The following GTF2A1 variants were observed in gnomAD, a reference collection of about 807,000 sequenced individuals.
GTF2A1 encodes general transcription factor IIA subunit 1.
A neutral mutation model predicts 54.1 loss-of-function variants in GTF2A1; 12 were observed. The observed-to-expected ratio is 0.22, with a 90% CI of 0.14 to 0.36. GTF2A1 has a LOEUF of 0.36. Among genes scored for constraint, GTF2A1 ranks in the 10% least tolerant of loss-of-function variants. The pLI, the probability that GTF2A1 is intolerant of heterozygous loss-of-function variation, is 1.00. For missense variants in GTF2A1, 335 were observed against 442.2 expected (o/e 0.76, Z 2.17); for synonymous variants, 145 against 152.0 (o/e 0.95, Z 0.34).
rs1893632861 is a variant in GTF2A1, at chr14:81,220,958, A to G, written c.-440T>C. 1 of 167,140 alleles carries G rather than the reference A, an allele frequency of 6.0e-6. No individual in the cohort carries two copies. The highest frequency in any genetic ancestry group is 1.3e-5 in the Non-Finnish European group (1 of 78,900). 10.4% of individuals were successfully genotyped at this position (167,140 alleles called of 1,614,324 possible). On this transcript the variant is annotated 5_prime_UTR_variant, in exon 1 of 9. Transcript: ENST00000553612. ...CCGCCGCCGCCGCCGCCGCCGAGAG[A>G]CAGGGTGAAGGGGGAGGGAGGGGCG...
rs1414853582 is a variant in GTF2A1, at chr14:81,177,218, C to T, written c.*3005G>A. On this transcript the variant is annotated 3_prime_UTR_variant, in exon 9 of 9. Coordinates refer to ENST00000553612, the MANE Select transcript of GTF2A1 (RefSeq NM_015859.4). ...ATCTTAGAACAAGAAAGTGGCTTTG[C>T]TTTTAAAAGAGGCAACAGTGTAAAT... The T allele has an allele frequency of 6.6e-6, 1 of 152,056 alleles. No homozygotes were observed. Among genetic ancestry groups the T allele is most frequent in the African/African-American group, 2.4e-5 (1 of 41,418 alleles). 9.4% of individuals were successfully genotyped at this position (152,056 alleles called of 1,614,324 possible).
intron 7 of GTF2A1, among the ~76,000 whole-genome samples, chr14:81,192,062 T>C (rs1292231635): frequency 1.3e-5 from 2 of 152,204 alleles, no homozygotes; most frequent in South Asian, 2.1e-4. Flanking sequence ...GGAAGTGGTA[T>C]AGAACATGGA....
chr14:81,187,515 T>C (rs543285219), intron 7 of GTF2A1, among the ~76,000 whole-genome samples: 19 of 152,298 alleles, frequency 1.2e-4, no homozygotes, highest in Admixed American at 1.2e-3. Context: ...CCTATTAAGC[T>C]GTCACTCCCC....
chr14:81,195,705 T>A (rs184091711), intron 6 of GTF2A1, among the ~76,000 whole-genome samples: 4 of 149,586 alleles, frequency 2.7e-5, no homozygotes, highest in Non-Finnish European at 4.4e-5. Flanking sequence ...GTATTAGAGG[T>A]AAGGAAAAGG....
Position 81,220,549 on chromosome 14 carries a change from A to G in GTF2A1, c.-31T>C, listed in dbSNP as rs1893609242. On this transcript the variant is annotated 5_prime_UTR_variant, in exon 1 of 9. Transcript: ENST00000553612. ...CACACAACACAAACAAGAGGGGGCA[A>G]CCCCAAGAAAACAAGATAAAAACAA... 1 of 1,539,192 alleles carries G rather than the reference A, an allele frequency of 6.5e-7. No homozygotes were observed. The highest frequency in any genetic ancestry group is 8.8e-7 in the Non-Finnish European group (1 of 1,136,072).
chr14:81,181,982 T>C (rs1892649192), intron 8 of GTF2A1, among the ~76,000 whole-genome samples: 1 of 152,214 alleles, frequency 6.6e-6, no homozygotes, highest in Non-Finnish European at 1.5e-5. Flanking sequence ...GCAAAGAATT[T>C]CAAATTAAGT....
chr14:81,196,327 C>T (rs1474054684), intron 5 of GTF2A1, 86 bp from the exon 6 acceptor site: 1 of 1,337,038 alleles, frequency 7.5e-7, no homozygotes, highest in East Asian at 2.3e-5. Flanking sequence ...TTCATACCAC[C>T]AAAGGCACAA....
chr14:81,200,708 T>C (rs1443882233), intron 4 of GTF2A1, among the ~76,000 whole-genome samples: 2 of 151,992 alleles, frequency 1.3e-5, no homozygotes, highest in East Asian at 3.8e-4. Flanking sequence ...AAAAGATCTT[T>C]TTACAAATAT....
At chr14:81,180,720 A>G (rs1892622466) in intron 8 of GTF2A1, among the ~76,000 whole-genome samples, 1 of 152,220 alleles carries the variant, frequency 6.6e-6, no homozygotes, top group African/African-American at 2.4e-5. Flanking sequence ...GTACTATTTT[A>G]TAGCTTTTAG....
At chr14:81,219,253 G>A (rs1411123792) in intron 1 of GTF2A1, among the ~76,000 whole-genome samples, 1 of 152,182 alleles carries the variant, frequency 6.6e-6, no homozygotes, top group Admixed American at 6.5e-5. Flanking sequence ...AGCCCGCGAC[G>A]GGTGCGAAAT....
At chr14:81,213,417 G>A (rs1384137741) in intron 2 of GTF2A1, among the ~76,000 whole-genome samples, 3 of 152,120 alleles carry the variant, frequency 2.0e-5, no homozygotes, top group East Asian at 3.8e-4. Context: ...TGTGAAAAGC[G>A]AGAGTAGATA....
chr14:81,192,744 T>C lies in GTF2A1; in HGVS notation c.708A>G (p.Ile236Met), dbSNP rs1320932199. Reference protein sequence around the residue: ...ILFTGNKTQVIPTTVAAPTPA... With the variant: ...ILFTGNKTQVMPTTVAAPTPA... ...GTGTAGGTGCTGCCACTGTCGTAGG[T>C]ATAACTTGAGTCTTATTTCCTGTAA... Residue 236 changes from isoleucine to methionine, a missense_variant, in exon 7 of 9, where the codon ATA becomes ATG. Transcript: ENST00000553612. 3 of 1,613,590 alleles carry C rather than the reference T, an allele frequency of 1.9e-6. No homozygotes were observed. The East Asian group carries it at 6.7e-5, about 36-fold the overall frequency.
At position 81,180,110 on chromosome 14, in the gene GTF2A1, C is replaced by T. The variant is rs1892608470; in HGVS notation, c.*113G>A. The T allele has an allele frequency of 4.3e-6, 2 of 464,428 alleles. No homozygotes were observed. The highest frequency in any genetic ancestry group is 4.0e-6 in the Non-Finnish European group (1 of 248,916). The allele number at this position is 464,428 out of a possible 1,614,324, so 28.8% of individuals were successfully genotyped here. A position where few individuals can be genotyped will look rare whatever the true frequency, so the allele number is the denominator to read the frequency against. ...TTCCAGTAGCTTTGCTTCTACTGCA[C>T]TTTTCTGACATGCAGAAACGAAGTT... On this transcript the variant is annotated 3_prime_UTR_variant, in exon 9 of 9. Transcript: ENST00000553612.
At chr14:81,195,415 C>T (rs1415711976) in intron 6 of GTF2A1, among the ~76,000 whole-genome samples, 3 of 151,470 alleles carry the variant, frequency 2.0e-5, no homozygotes, top group Non-Finnish European at 4.4e-5. Flanking sequence ...GGGTGGATCA[C>T]AAGGTAAGGA....
At chr14:81,218,860 T>A (rs1893543554) in intron 1 of GTF2A1, among the ~76,000 whole-genome samples, 1 of 151,044 alleles carries the variant, frequency 6.6e-6, no homozygotes, top group Non-Finnish European at 1.5e-5. Flanking sequence ...TACACATAAA[T>A]GGTCCTATAC....
chr14:81,193,183 T>A lies in GTF2A1; in HGVS notation c.613-344A>T, dbSNP rs578187769. On this transcript the variant is annotated intron_variant, in intron 6 of 8. Transcript: ENST00000553612. Reference sequence around the variant, plus strand: ...TGGGTCTACCTTTTTTTTTTTTTTTTATAGATGGAGTCTCGTTCTGTCACC... The same window carrying A: ...TGGGTCTACCTTTTTTTTTTTTTTTAATAGATGGAGTCTCGTTCTGTCACC... 8.7e-4 allele frequency among the ~76,000 whole-genome samples: 131 copies of A among 151,324 alleles called. 2 individuals are homozygous for A. Among genetic ancestry groups the A allele is most frequent in the African/African-American group, 9.0e-4 (37 of 41,236 alleles).
chr14:81,185,585 C>T lies in GTF2A1; in HGVS notation c.969G>A (p.Glu323=), dbSNP rs1187123095. The change falls in exon 8 of 9, where the codon GAG becomes GAA. Residue 323 remains glutamate (E), a synonymous_variant. Coordinates refer to ENST00000553612, the MANE Select transcript of GTF2A1 (RefSeq NM_015859.4). ...PLNSEDDVSD[E]EGQELFDTEN... is the part of the protein sequence containing the mutation. ...CTGTGTCAAAGAGTTCCTGTCCTTCCTCATCACTCACATCATCTTCACTAT... is the reference window on the plus strand; with the variant it reads ...CTGTGTCAAAGAGTTCCTGTCCTTCTTCATCACTCACATCATCTTCACTAT... 1.2e-5 allele frequency: 19 copies of T among 1,599,676 alleles called. No homozygotes were observed. Among genetic ancestry groups the T allele is most frequent in the Non-Finnish European group, 1.6e-5 (19 of 1,167,412 alleles).
chr14:81,205,762 C>T (rs1951614), intron 2 of GTF2A1, among the ~76,000 whole-genome samples: 60,069 of 152,048 alleles, frequency 0.4, 14,060 homozygotes, highest in Middle Eastern at 0.55. Flanking sequence ...CTCTGCTAAT[C>T]CCAGGCGAAA....
intron 4 of GTF2A1, among the ~76,000 whole-genome samples, chr14:81,200,885 CAAAAAAAA>C (rs36025974): frequency 9.0e-6 from 1 of 111,100 alleles, no homozygotes; most frequent in African/African-American, 4.1e-5. Context: ...ATGTTTTATC[CAAAAAAAA>C]AAAAAAAACA....
Sources: allele counts gnomAD v4.1 joint callset (sites outside exome capture counted in the v4.1 genomes callset), GRCh38; gene constraint gnomAD v4.1.1; transcripts MANE v1.5; gene names NCBI Gene and HGNC (gene_info 2026-07-23, HGNC 2026-07-21).